The following MCCC1 variants were observed in gnomAD, a reference collection of about 807,000 sequenced individuals.
The protein encoded by MCCC1 is methylcrotonoyl-CoA carboxylase subunit alpha, mitochondrial.
A neutral mutation model predicts 83.8 loss-of-function variants in MCCC1; 64 were observed. That is an observed-to-expected ratio of 0.76 (90% CI 0.62 to 0.94). The LOEUF (loss-of-function observed/expected upper bound fraction) is 0.94, where lower values mean the gene tolerates loss of function less well. Ranked by LOEUF, MCCC1 falls within the 40% of genes least tolerant of loss-of-function variation. The probability of loss-of-function intolerance (pLI) is 0.00; values close to 1 mark genes in which losing one functional copy is unlikely to be tolerated. For synonymous variants in MCCC1, 322 were observed against 315.4 expected, an observed-to-expected ratio of 1.02 and a Z score of -0.22; for missense variants, 807 against 904.7, an observed-to-expected ratio of 0.89 and a Z score of 1.39.
At chr3:183,099,626 C>T (rs1370659370), upstream of MCCC1, 2 of 702,286 alleles carry the variant, frequency 2.8e-6, no homozygotes, top group African/African-American at 1.8e-5. Context: ...GACCAGAGCC[C>T]GGCTTCAGTA....
chr3:183,037,317 T>C lies in MCCC1; in HGVS notation c.1495A>G (p.Ser499Gly), dbSNP rs201168029. The change falls in exon 13 of 19, where the codon AGT (serine) becomes GGT (glycine). Residue 499 changes from serine to glycine, a missense_variant. Transcript: ENST00000265594. ...GACTCTTTGGCTGCAGCCTTCCGAC[T>C]GAGCAACAACTGTTTGTGGTGTTGA... ...IPQHHKQLLL[S>G]RKAAAKESLC... is the part of the protein sequence containing the mutation. 5 of 1,614,180 alleles carry C rather than the reference T, an allele frequency of 3.1e-6. No homozygotes were observed. Among genetic ancestry groups the C allele is most frequent in the Non-Finnish European group, 4.2e-6 (5 of 1,180,038 alleles).
At chr3:183,076,974 A>C (rs1717121057) in intron 4 of MCCC1, among the ~76,000 whole-genome samples, 1 of 152,212 alleles carries the variant, frequency 6.6e-6, no homozygotes. Context: ...TATAAATGGA[A>C]TCATATAATA....
Position 183,045,475 on chromosome 3 carries a change from G to A in MCCC1, c.1021C>T (p.Gln341Ter). Residue 341 changes from glutamine (Q) to a stop codon, truncating the protein, a stop_gained, in exon 10 of 19, where the codon CAA (glutamine) becomes TAA (stop). Coordinates refer to ENST00000265594, the MANE Select transcript of MCCC1 (RefSeq NM_020166.5). LOFTEE classifies it high-confidence loss of function. Reference protein sequence around the residue: ...FCFMEMNTRLQVEHPVTEMIT... With the variant: ...FCFMEMNTRL Reference sequence around the variant, plus strand: ...ATCTCAGTAACAGGATGTTCCACTTGCAGCCTTGTATTCATCTCCATGAAA... The same window carrying A: ...ATCTCAGTAACAGGATGTTCCACTTACAGCCTTGTATTCATCTCCATGAAA... 1.2e-6 allele frequency: 2 copies of A among 1,614,048 alleles called. No individual in the cohort carries two copies. The highest frequency in any genetic ancestry group is 1.7e-6 in the Non-Finnish European group (2 of 1,179,950).
intron 8 of MCCC1, among the ~76,000 whole-genome samples, chr3:183,055,897 C>CA (rs1298594219): frequency 2.6e-5 from 4 of 151,878 alleles, no homozygotes; most frequent in African/African-American, 4.8e-5. Flanking sequence ...GACCCTGTCT[C>CA]AAAAAAACAA....
At chr3:183,112,549 G>C (rs1438100839) in intron 1 of MCCC1, among the ~76,000 whole-genome samples, 1 of 152,158 alleles carries the variant, frequency 6.6e-6, no homozygotes. Flanking sequence ...AGAGTGGGTA[G>C]AATTATATAA....
intron 3 of MCCC1, among the ~76,000 whole-genome samples, chr3:183,090,340 C>A (rs73052259): frequency 0.011 from 1,696 of 152,150 alleles, 35 homozygotes; most frequent in African/African-American, 0.039. Flanking sequence ...GGTTGAAGAC[C>A]CATCATTGAA....
At chr3:183,103,855 C>T (rs1295432424), upstream of MCCC1, among the ~76,000 whole-genome samples, 1 of 152,192 alleles carries the variant, frequency 6.6e-6, no homozygotes, top group East Asian at 1.9e-4. Flanking sequence ...GGGGGAGGCT[C>T]AGGCATGGCG....
At position 183,106,866 on chromosome 3, in the gene MCCC1, T is replaced by C. The variant is rs985920268; in HGVS notation, c.-102+8608A>G. The stretch of plus-strand genomic sequence containing the variant: ...CCCTCTCCTCATGCAGATATAGATA[T>C]ATATGTGTACACACACACACTCACA... On this transcript the variant is annotated intron_variant, in intron 1 of 17. Coordinates refer to the MCCC1 transcript ENST00000492597. Among the ~76,000 whole-genome samples the C allele has an allele frequency of 3.9e-5, 6 of 152,112 alleles. 1 individual carries two copies. Among genetic ancestry groups the C allele is most frequent in the Admixed American group, 3.9e-4 (6 of 15,262 alleles).
chr3:183,041,575 A>G lies in MCCC1; in HGVS notation c.1259T>C (p.Val420Ala), dbSNP rs946293038. ...ATTTTCTTTCACTTTACCTTGCCGT[A>G]CTCCAGTTTCAATCCTGGTGGAAGG... ...ADPSTRIETGVRQGDEVSVHY... is the reference protein window; with the variant it reads ...ADPSTRIETGARQGDEVSVHY... Residue 420 changes from valine to alanine, a missense_variant, in exon 11 of 19, where the codon GTA becomes GCA. By Grantham distance (64) the Val-to-Ala change is moderately conservative. Transcript: ENST00000265594. 7.4e-6 allele frequency: 12 copies of G among 1,613,870 alleles called. No homozygotes were observed. Among genetic ancestry groups the G allele is most frequent in the Non-Finnish European group, 1.0e-5 (12 of 1,179,908 alleles).
At chr3:183,092,647 G>T in intron 2 of MCCC1, 102 bp from the exon 3 acceptor site, 3 of 1,481,728 alleles carry the variant, frequency 2.0e-6, no homozygotes, top group Non-Finnish European at 2.8e-6. Flanking sequence ...CGACTGATAA[G>T]TTCAAGGTTT....
chr3:183,039,942 A>T (rs1332768304), intron 11 of MCCC1, among the ~76,000 whole-genome samples: 1 of 151,776 alleles, frequency 6.6e-6, no homozygotes, highest in Non-Finnish European at 1.5e-5. Flanking sequence ...TAAAAATACA[A>T]AAAATTAGCC....
chr3:183,059,893 C>G (rs1325719301), intron 7 of MCCC1, among the ~76,000 whole-genome samples: 4 of 152,042 alleles, frequency 2.6e-5, no homozygotes, highest in African/African-American at 9.7e-5. Context: ...TTCCTTGTGG[C>G]TTCTTTCAGT....
chr3:183,096,730 G>C (rs115045110), intron 1 of MCCC1, among the ~76,000 whole-genome samples: 3 of 152,206 alleles, frequency 2.0e-5, no homozygotes, highest in Non-Finnish European at 4.4e-5. Flanking sequence ...GCTTCCTCAC[G>C]AGGCTGCTGC....
rs77932064 is a variant in MCCC1 at position 183,020,036 on chromosome 3, A to C, written c.1977+94T>G. 6.8e-3 allele frequency: 6,322 copies of C among 933,222 alleles called. 287 individuals are homozygous for C. In the African/African-American group the frequency reaches 0.091, roughly 13 times the overall value. The allele number at this position is 933,222 out of a possible 1,614,324, so 57.8% of individuals were successfully genotyped here. On this transcript the variant is annotated intron_variant, in intron 17 of 18. Transcript: ENST00000265594. ...TGAAGTGGATGCTTTCCAATGAGCA[A>C]GGTTTAGAAAGGGAAAAGGACATAA...
chr3:183,041,478 T>C, intron 11 of MCCC1, 89 bp downstream of exon 11: 5 of 1,370,056 alleles, frequency 3.6e-6, no homozygotes, highest in Non-Finnish European at 5.2e-6. Context: ...TAGACAGTTC[T>C]GTAAGACTCA....
chr3:183,051,132 T>C (rs1714944380), intron 9 of MCCC1, among the ~76,000 whole-genome samples: 1 of 152,162 alleles, frequency 6.6e-6, no homozygotes, highest in African/African-American at 2.4e-5. Flanking sequence ...AAACTAAATA[T>C]TCTTTTACCA....
Position 183,106,702 on chromosome 3 carries a change from G to A in MCCC1, c.-102+8772C>T, listed in dbSNP as rs374430712. 5.3e-5 allele frequency among the ~76,000 whole-genome samples: 8 copies of A among 152,006 alleles called. No homozygotes were observed. The East Asian group carries it at 9.7e-4, about 18-fold the overall frequency. ...AGTAGAGACGGAGTTTCACCGTGTC[G>A]GCCAGGCTGATCTCAAACTCCTGAC... On this transcript the variant is annotated intron_variant, in intron 1 of 17. Coordinates refer to the MCCC1 transcript ENST00000492597.
intron 9 of MCCC1, among the ~76,000 whole-genome samples, chr3:183,049,106 A>AATTG (rs1714762637): frequency 6.6e-6 from 1 of 152,224 alleles, no homozygotes; most frequent in Non-Finnish European, 1.5e-5. Flanking sequence ...GCTTAGTGGG[A>AATTG]AATTTATAGC....
intron 9 of MCCC1, among the ~76,000 whole-genome samples, chr3:183,047,230 G>C (rs1714622218): frequency 6.6e-6 from 1 of 152,144 alleles, no homozygotes; most frequent in Admixed American, 6.5e-5. Context: ...GCCTTTGCCA[G>C]ACATACTGTC....
Sources: allele counts gnomAD v4.1 joint callset (sites outside exome capture counted in the v4.1 genomes callset), GRCh38; gene constraint gnomAD v4.1.1; transcripts MANE v1.5; gene names NCBI Gene and HGNC (gene_info 2026-07-23, HGNC 2026-07-21).